Variants in PIKFYVE observed in about 807,000 individuals in gnomAD.
PIKFYVE encodes 1-phosphatidylinositol 3-phosphate 5-kinase.
A neutral mutation model predicts 257.9 loss-of-function variants in PIKFYVE; 122 were observed. The ratio of observed to expected loss-of-function variants is 0.47; its 90% CI spans 0.41 to 0.55. The LOEUF is 0.55. Among genes scored for constraint, PIKFYVE ranks in the 20% least tolerant of loss-of-function variants. PIKFYVE has a pLI of 0.00. For missense variants in PIKFYVE, 2,160 were observed against 2,536.6 expected, an observed-to-expected ratio of 0.85 and a Z score of 3.19; for synonymous variants, 892 against 868.9, an observed-to-expected ratio of 1.03 and a Z score of -0.47.
chr2:208,347,789 A>G, intron 34 of PIKFYVE, 70 bp from the exon 35 acceptor site: 1 of 1,349,704 alleles, frequency 7.4e-7, no homozygotes, highest in African/African-American at 1.4e-5. Context: ...CAAAGAAATG[A>G]GCTGAAAATT....
rs866365771 is a variant in PIKFYVE at position 208,348,599 on chromosome 2, A to T, written c.5374+576A>T. ...CCTCTGTCTCTACCAAAAAAAAAAAAGTGTGTGTGTGTGTGTGTGTGTGTG... is the reference window on the plus strand; with the variant it reads ...CCTCTGTCTCTACCAAAAAAAAAAATGTGTGTGTGTGTGTGTGTGTGTGTG... On this transcript the variant is annotated intron_variant, in intron 35 of 41. Transcript: ENST00000264380. Among the ~76,000 whole-genome samples, 411 of 128,990 alleles carry T rather than the reference A, an allele frequency of 3.2e-3. 1 individual carries two copies. The highest frequency in any genetic ancestry group is 0.011 in the African/African-American group (369 of 33,690). 84.6% of individuals were successfully genotyped at this position (128,990 alleles called of 152,430 possible). A position where few individuals can be genotyped will look rare whatever the true frequency, so the allele number is the denominator to read the frequency against.
intron 9 of PIKFYVE, among the ~76,000 whole-genome samples, chr2:208,301,620 A>C (rs1693694573): frequency 6.6e-6 from 1 of 152,244 alleles, no homozygotes; most frequent in Admixed American, 6.5e-5. Context: ...AAAGAGAGAA[A>C]TAGCTTTAAG....
At chr2:208,301,208 A>G in intron 9 of PIKFYVE, 114 bp downstream of exon 9, 1 of 1,311,000 alleles carries the variant, frequency 7.6e-7, no homozygotes, top group Non-Finnish European at 1.1e-6. Flanking sequence ...TCTTTGTTTT[A>G]TGTAATTGAT....
intron 3 of PIKFYVE, among the ~76,000 whole-genome samples, chr2:208,275,857 C>G (rs186084680): frequency 1.4e-4 from 21 of 152,216 alleles, no homozygotes; most frequent in African/African-American, 4.8e-4. Context: ...TTGCTTCATG[C>G]TTAGGTTTTG....
intron 32 of PIKFYVE, among the ~76,000 whole-genome samples, chr2:208,344,829 A>G (rs1699079924): frequency 6.6e-6 from 1 of 152,116 alleles, no homozygotes; most frequent in African/African-American, 2.4e-5. Flanking sequence ...CCCTGAAGTC[A>G]TTTGATCTAA....
intron 12 of PIKFYVE, 69 bp from the exon 13 acceptor site, chr2:208,312,167 T>C: frequency 8.9e-7 from 1 of 1,117,558 alleles, no homozygotes. Context: ...TCTATATAAT[T>C]ATGCTGACAT....
chr2:208,316,810 A>G (rs1224108561), intron 15 of PIKFYVE, among the ~76,000 whole-genome samples: 17 of 152,246 alleles, frequency 1.1e-4, no homozygotes, highest in Non-Finnish European at 2.1e-4. Context: ...ACAGAACAGA[A>G]CCCTCAGAAA....
intron 6 of PIKFYVE, among the ~76,000 whole-genome samples, chr2:208,286,412 C>T (rs927501918): frequency 4.6e-5 from 7 of 152,074 alleles, no homozygotes; most frequent in African/African-American, 1.4e-4. Context: ...AAGTATACTG[C>T]ACTGCTACTT....
At chr2:208,293,265 G>A (rs1024412363) in intron 7 of PIKFYVE, among the ~76,000 whole-genome samples, 2 of 151,554 alleles carry the variant, frequency 1.3e-5, no homozygotes, top group South Asian at 2.1e-4. Context: ...ATAAGCATGC[G>A]TACATACATA....
intron 6 of PIKFYVE, among the ~76,000 whole-genome samples, chr2:208,288,486 A>C (rs1691869485): frequency 6.6e-6 from 1 of 152,218 alleles, no homozygotes; most frequent in South Asian, 2.1e-4. Context: ...AACTTTATTT[A>C]CATTCCATAT....
chr2:208,298,874 G>A (rs1693325351), intron 8 of PIKFYVE, 95 bp downstream of exon 8: 3 of 1,499,368 alleles, frequency 2.0e-6, no homozygotes. Context: ...ACACGGTCTT[G>A]GTGTGCTGCC....
rs925519861 is a variant in PIKFYVE at position 208,353,991 on chromosome 2, C to T, written c.5938C>T (p.Leu1980=). 1.9e-6 allele frequency: 3 copies of T among 1,613,906 alleles called. No individual in the cohort carries two copies. The highest frequency in any genetic ancestry group is 2.5e-6 in the Non-Finnish European group (3 of 1,179,966). ...CDVVLLDENL[L]KMVRDNPLYI... is the part of the protein sequence containing the mutation. ...TGTGGTCCTGCTAGATGAAAATCTC[C>T]TAAAGATGGTTCGAGACAACCCTCT... Residue 1980 remains leucine (L), a synonymous_variant, in exon 40 of 42, where the codon CTA becomes TTA. Coordinates refer to ENST00000264380, the MANE Select transcript of PIKFYVE (RefSeq NM_015040.4).
chr2:208,284,261 C>CTT (rs35089730), intron 5 of PIKFYVE, among the ~76,000 whole-genome samples: 3 of 139,964 alleles, frequency 2.1e-5, no homozygotes, highest in Non-Finnish European at 4.7e-5. Context: ...CATTTCTATC[C>CTT]TTTTTTTTTT....
Position 208,346,128 on chromosome 2 carries a change from A to G in PIKFYVE, c.5190A>G (p.Thr1730=), listed in dbSNP as rs750675164. ...GTGGAGGACAGACAAATCGTACAACAGAAACAGAACCACAACCAAGTAAGA... is the reference window on the plus strand; with the variant it reads ...GTGGAGGACAGACAAATCGTACAACGGAAACAGAACCACAACCAAGTAAGA... The part of the protein sequence containing the change: ...EMSGGQTNRT[T]ETEPQPTKKA... The change falls in exon 34 of 42, where the codon ACA becomes ACG. Residue 1730 remains threonine, a synonymous_variant. Transcript: ENST00000264380. 3.7e-6 allele frequency: 6 copies of G among 1,611,650 alleles called. No individual in the cohort carries two copies. The highest frequency in any genetic ancestry group is 1.3e-5 in the African/African-American group (1 of 75,008).
intron 12 of PIKFYVE, among the ~76,000 whole-genome samples, chr2:208,309,723 G>A (rs576227336): frequency 6.6e-6 from 1 of 152,300 alleles, no homozygotes; most frequent in Middle Eastern, 3.4e-3. Context: ...GTGAACTTTT[G>A]CCACTGTGCA....
At chr2:208,330,796 A>G (rs1237540934) in intron 23 of PIKFYVE, 102 bp downstream of exon 23, 1 of 1,175,686 alleles carries the variant, frequency 8.5e-7, no homozygotes, top group African/African-American at 1.6e-5. Flanking sequence ...TGGATTCGTT[A>G]TTTGTTATAG....
chr2:208,314,960 A>G (rs1695325783), intron 14 of PIKFYVE, among the ~76,000 whole-genome samples: 1 of 152,154 alleles, frequency 6.6e-6, no homozygotes, highest in Non-Finnish European at 1.5e-5. Flanking sequence ...ACGTGTTAAA[A>G]TTTCATTTCA....
chr2:208,268,193 G>T (rs1688921988), intron 1 of PIKFYVE, among the ~76,000 whole-genome samples: 1 of 152,038 alleles, frequency 6.6e-6, no homozygotes, highest in Admixed American at 6.5e-5. Flanking sequence ...CTATATGATT[G>T]GGTTTATATT....
At chr2:208,331,988 C>T (rs916547410) in intron 23 of PIKFYVE, among the ~76,000 whole-genome samples, 13 of 152,062 alleles carry the variant, frequency 8.5e-5, no homozygotes, top group African/African-American at 3.1e-4. Flanking sequence ...TTGCTATATG[C>T]ACTTTATTTT....
Sources: allele counts gnomAD v4.1 joint callset (sites outside exome capture counted in the v4.1 genomes callset), GRCh38; gene constraint gnomAD v4.1.1; transcripts MANE v1.5; gene names NCBI Gene and HGNC (gene_info 2026-07-23, HGNC 2026-07-21).